The following FGF14 variants were observed in gnomAD, a reference collection of about 807,000 sequenced individuals.
FGF14 encodes fibroblast growth factor 14.
In FGF14, 5 loss-of-function variants were observed where a neutral mutation model predicts 25.5. That is an observed-to-expected ratio of 0.20 (90% confidence interval 0.10 to 0.41). The LOEUF (loss-of-function observed/expected upper bound fraction) is 0.41. FGF14 is among the 10% of genes least tolerant of loss of function. FGF14 has a pLI of 1.00. For synonymous variants in FGF14, 138 were observed against 118.3 expected (o/e 1.17, Z -1.08); for missense variants, 222 against 320.1 (o/e 0.69, Z 2.34).
At chr13:101,797,429 G>A (rs144683072) in intron 3 of FGF14, among the ~76,000 whole-genome samples, 59 of 152,130 alleles carry the variant, frequency 3.9e-4, no homozygotes, top group African/African-American at 1.4e-3. Context: ...TGACTGGAAT[G>A]ACGCACATAA....
intron 1 of FGF14, among the ~76,000 whole-genome samples, chr13:102,087,196 A>C (rs1313170213): frequency 6.6e-6 from 1 of 152,138 alleles, no homozygotes; most frequent in Non-Finnish European, 1.5e-5. Context: ...TCTTTGTGTA[A>C]TTCGCAAAAT....
rs891520342 is a variant in FGF14 at position 102,299,278 on chromosome 13, A to G, written c.208+102193T>C. Reference sequence around the variant, plus strand: ...GTTGAGTCTGAAGTATGGTTTGGAGAAGTGATTTTTTTAAATAGGGTATTT... The same window carrying G: ...GTTGAGTCTGAAGTATGGTTTGGAGGAGTGATTTTTTTAAATAGGGTATTT... On this transcript the variant is annotated intron_variant, in intron 1 of 4. Transcript: ENST00000376131. 5.4e-5 allele frequency among the ~76,000 whole-genome samples: 8 copies of G among 148,188 alleles called. No homozygotes were observed. In the East Asian group the frequency reaches 1.8e-3, roughly 34 times the overall value.
At chr13:102,401,356 T>G in intron 1 of FGF14, 2 of 959,832 alleles carry the variant, frequency 2.1e-6, no homozygotes, top group Non-Finnish European at 1.7e-6. Flanking sequence ...AACACTGTCC[T>G]GGTTCCTGGT....
chr13:102,304,272 T>C (rs934465746), intron 1 of FGF14, among the ~76,000 whole-genome samples: 1 of 152,068 alleles, frequency 6.6e-6, no homozygotes, highest in Admixed American at 6.6e-5. Context: ...TACCCTGAGA[T>C]GCTACTTGGT....
At chr13:101,857,288 C>T (rs2044176108) in intron 3 of FGF14, among the ~76,000 whole-genome samples, 1 of 151,952 alleles carries the variant, frequency 6.6e-6, no homozygotes, top group South Asian at 2.1e-4. Context: ...CTAGTTATTC[C>T]TAAGCCTCAC....
intron 1 of FGF14, chr13:102,003,115 T>A (rs572705028): frequency 7.9e-5 from 12 of 152,238 alleles, no homozygotes; most frequent in African/African-American, 2.9e-4. Context: ...AATGAGAGAA[T>A]TAAAATTTAT....
chr13:102,204,896 A>G lies in FGF14; in HGVS notation c.208+196575T>C, dbSNP rs980864373. Among the ~76,000 whole-genome samples the G allele has an allele frequency of 3.3e-5, 5 of 152,340 alleles. No homozygotes were observed. The South Asian group carries it at 1.0e-3, about 32-fold the overall frequency. ...AGATGATTATATCACAAGGTATAAGATTAAAGCCATGGCAACACAAGGAGA... is the reference window on the plus strand; with the variant it reads ...AGATGATTATATCACAAGGTATAAGGTTAAAGCCATGGCAACACAAGGAGA... On this transcript the variant is annotated intron_variant, in intron 1 of 4. Transcript: ENST00000376131.
intron 3 of FGF14, among the ~76,000 whole-genome samples, chr13:101,819,900 G>C (rs530934911): frequency 2.3e-4 from 35 of 152,268 alleles, no homozygotes; most frequent in African/African-American, 8.2e-4. Flanking sequence ...GCGACGGAAA[G>C]ATATTTCAGA....
chr13:102,033,679 A>C (rs2041328078), intron 1 of FGF14, among the ~76,000 whole-genome samples: 1 of 152,122 alleles, frequency 6.6e-6, no homozygotes, highest in African/African-American at 2.4e-5. Flanking sequence ...AAGAGAGGAG[A>C]GCCTGGCACC....
intron 1 of FGF14, among the ~76,000 whole-genome samples, chr13:102,355,192 A>G (rs186184056): frequency 1.4e-4 from 22 of 152,334 alleles, no homozygotes; most frequent in Middle Eastern, 3.4e-3. Flanking sequence ...GGAATAATAG[A>G]CTGACATGTT....
intron 1 of FGF14, among the ~76,000 whole-genome samples, chr13:102,258,900 T>C (rs140858191): frequency 5.4e-4 from 82 of 152,342 alleles, no homozygotes; most frequent in African/African-American, 1.8e-3. Context: ...TTGATTAACC[T>C]GTGATCCATG....
At chr13:102,247,115 C>T (rs1427015977) in intron 1 of FGF14, among the ~76,000 whole-genome samples, 1 of 151,966 alleles carries the variant, frequency 6.6e-6, no homozygotes, top group African/African-American at 2.4e-5. Context: ...AATATAAAAT[C>T]AAAAACTATA....
chr13:101,942,065 T>C (rs2035490001), intron 1 of FGF14, among the ~76,000 whole-genome samples: 1 of 152,246 alleles, frequency 6.6e-6, no homozygotes. Context: ...TAATTGACTA[T>C]TGGGCTAATA....
chr13:102,152,020 G>A (rs1350301020), intron 1 of FGF14, among the ~76,000 whole-genome samples: 3 of 152,230 alleles, frequency 2.0e-5, no homozygotes, highest in African/African-American at 7.2e-5. Context: ...GGCTCACAGG[G>A]TGTTCAAGCC....
intron 1 of FGF14, among the ~76,000 whole-genome samples, chr13:102,026,761 C>T (rs2040948887): frequency 6.6e-6 from 1 of 151,840 alleles, no homozygotes; most frequent in South Asian, 2.1e-4. Flanking sequence ...CTTTAATTTT[C>T]CCTTATTTTG....
chr13:102,342,106 T>A (rs1448942995), intron 1 of FGF14, among the ~76,000 whole-genome samples: 1 of 152,168 alleles, frequency 6.6e-6, no homozygotes, highest in Non-Finnish European at 1.5e-5. Flanking sequence ...ACCTACAAGT[T>A]TAAAGCCATT....
chr13:102,177,125 C>A (rs569111055), intron 1 of FGF14, among the ~76,000 whole-genome samples: 1 of 152,136 alleles, frequency 6.6e-6, no homozygotes, highest in Admixed American at 6.5e-5. Flanking sequence ...ATACAACACA[C>A]GTTCATTGAT....
chr13:101,771,450 T>A (rs1272993105), intron 3 of FGF14, among the ~76,000 whole-genome samples: 1 of 152,116 alleles, frequency 6.6e-6, no homozygotes, highest in Non-Finnish European at 1.5e-5. Flanking sequence ...CATTAGTAGA[T>A]TATTATCACT....
At chr13:101,863,813 T>C (rs1339305102) in intron 3 of FGF14, among the ~76,000 whole-genome samples, 1 of 152,152 alleles carries the variant, frequency 6.6e-6, no homozygotes, top group Non-Finnish European at 1.5e-5. Context: ...GCTAGAATTA[T>C]AGATCCTGCA....
Sources: allele counts gnomAD v4.1 joint callset (sites outside exome capture counted in the v4.1 genomes callset), GRCh38; gene constraint gnomAD v4.1.1; transcripts MANE v1.5; gene names NCBI Gene and HGNC (gene_info 2026-07-23, HGNC 2026-07-21).